Variants in CALN1 observed in about 807,000 individuals in gnomAD.
The protein encoded by CALN1 is calneuron 1, also known as calcium-binding protein 8.
A neutral mutation model predicts 30.6 loss-of-function variants in CALN1; 17 were observed. That is an observed-to-expected ratio of 0.56 (90% confidence interval 0.38 to 0.83). The LOEUF (loss-of-function observed/expected upper bound fraction) is 0.83. Ranked by LOEUF, CALN1 falls within the 40% of genes least tolerant of loss-of-function variation. The probability of loss-of-function intolerance (pLI) is 0.00; values close to 1 mark genes in which losing one functional copy is unlikely to be tolerated. For missense variants in CALN1, 291 were observed against 354.9 expected (o/e 0.82, Z 1.45); for synonymous variants, 156 against 131.4 (o/e 1.19, Z -1.28).
intron 5 of CALN1, among the ~76,000 whole-genome samples, chr7:71,850,193 G>A (rs899622776): frequency 2.6e-5 from 4 of 152,224 alleles, no homozygotes; most frequent in Admixed American, 1.3e-4. Flanking sequence ...ATCTGAGTGC[G>A]TAATATACTG....
intron 2 of CALN1, among the ~76,000 whole-genome samples, chr7:72,313,797 A>G (rs530003704): frequency 1.4e-4 from 21 of 152,362 alleles, no homozygotes; most frequent in African/African-American, 5.1e-4. Flanking sequence ...CACTGCTAAA[A>G]TAAGAACAAA....
chr7:72,044,552 G>A (rs1001515066), intron 4 of CALN1, among the ~76,000 whole-genome samples: 4 of 150,758 alleles, frequency 2.7e-5, no homozygotes, highest in Admixed American at 1.3e-4. Context: ...CTACTCCGAC[G>A]GTTGCAGGGT....
intron 2 of CALN1, among the ~76,000 whole-genome samples, chr7:72,384,018 T>C (rs1167211795): frequency 6.6e-6 from 1 of 152,220 alleles, no homozygotes; most frequent in Non-Finnish European, 1.5e-5. Context: ...ATTGCAGCAC[T>C]ATTTACAATA....
At chr7:72,329,051 G>C (rs965758668) in intron 2 of CALN1, among the ~76,000 whole-genome samples, 1 of 152,208 alleles carries the variant, frequency 6.6e-6, no homozygotes, top group African/African-American at 2.4e-5. Context: ...GTGTTCATTT[G>C]CAAAACCATA....
chr7:72,218,643 T>C (rs1562754733), intron 3 of CALN1, among the ~76,000 whole-genome samples: 1 of 152,162 alleles, frequency 6.6e-6, no homozygotes, highest in Non-Finnish European at 1.5e-5. Flanking sequence ...ATCACTTTGC[T>C]TTAGTATACA....
chr7:71,817,365 G>T (rs1398434394), intron 5 of CALN1, among the ~76,000 whole-genome samples: 1 of 152,050 alleles, frequency 6.6e-6, no homozygotes, highest in East Asian at 1.9e-4. Context: ...TCTTCTAGTT[G>T]ATTTTCGTCA....
intron 3 of CALN1, among the ~76,000 whole-genome samples, chr7:72,274,743 T>TC (rs1330709190): frequency 2.0e-5 from 3 of 152,148 alleles, no homozygotes; most frequent in Non-Finnish European, 2.9e-5. Flanking sequence ...AGAAGGCATT[T>TC]CCTCCTCCAC....
At position 72,357,514 on chromosome 7, in the gene CALN1, C is replaced by T. The variant is rs540972852; in HGVS notation, c.119+45737G>A. 2.6e-5 allele frequency among the ~76,000 whole-genome samples: 4 copies of T among 151,964 alleles called. No homozygotes were observed. The East Asian group carries it at 7.7e-4, about 29-fold the overall frequency. Reference sequence around the variant, plus strand: ...TGCTGATACCACCCCCAACCCATCCCTAATCAAATCTCAGGGCTGCCTTGA... The same window carrying T: ...TGCTGATACCACCCCCAACCCATCCTTAATCAAATCTCAGGGCTGCCTTGA... On this transcript the variant is annotated intron_variant, in intron 2 of 6. Coordinates refer to ENST00000395275, the MANE Select transcript of CALN1 (RefSeq NM_031468.4).
chr7:71,895,487 A>G (rs1793486207), intron 5 of CALN1, among the ~76,000 whole-genome samples: 1 of 152,214 alleles, frequency 6.6e-6, no homozygotes, highest in Non-Finnish European at 1.5e-5. Context: ...GACAAGAGTG[A>G]CATGACTCAT....
rs147860207 is a variant in CALN1, at chr7:72,000,682, C to G, written c.501+22975G>C. Reference sequence around the variant, plus strand: ...AAAATAAAAGAAATAGAAACACTTACTAATTCATTTTACAAGGCCTCATAA... The same window carrying G: ...AAAATAAAAGAAATAGAAACACTTAGTAATTCATTTTACAAGGCCTCATAA... On this transcript the variant is annotated intron_variant, in intron 5 of 6. Coordinates refer to ENST00000395275, the MANE Select transcript of CALN1 (RefSeq NM_031468.4). Among the ~76,000 whole-genome samples the G allele has an allele frequency of 3.1e-3, 468 of 152,244 alleles. 4 individuals carry two copies. Among genetic ancestry groups the G allele is most frequent in the African/African-American group, 0.011 (446 of 41,548 alleles).
intron 5 of CALN1, among the ~76,000 whole-genome samples, chr7:71,927,482 T>C (rs1240782575): frequency 6.6e-6 from 1 of 152,212 alleles, no homozygotes; most frequent in African/African-American, 2.4e-5. Flanking sequence ...AGTGCTGGGA[T>C]TACAAGCATG....
chr7:72,234,218 C>G (rs1794318874), intron 3 of CALN1, among the ~76,000 whole-genome samples: 3 of 152,168 alleles, frequency 2.0e-5, no homozygotes, highest in Admixed American at 2.0e-4. Context: ...CCCTACAGAG[C>G]ACAGAGAAAA....
In CALN1 at chr7:71,785,132, A is replaced by T. The variant is rs1792918828; in HGVS notation, c.*2643T>A. 1 of 363,082 alleles carries T rather than the reference A, an allele frequency of 2.8e-6. No homozygotes were observed. The highest frequency in any genetic ancestry group is 4.9e-6 in the Non-Finnish European group (1 of 204,114). The allele number at this position is 363,082 out of a possible 1,614,324, so 22.5% of individuals were successfully genotyped here. A position where few individuals can be genotyped will look rare whatever the true frequency, so the allele number is the denominator to read the frequency against. ...CATGGGGGGTTACCACAGTGGGAAG[A>T]TAACTCCTAGGCTGTCAGAAAGAAT... On this transcript the variant is annotated 3_prime_UTR_variant, in exon 7 of 7. Coordinates refer to ENST00000395275, the MANE Select transcript of CALN1 (RefSeq NM_031468.4).
chr7:72,457,190 A>AAAT, the CALN1 span, among the ~76,000 whole-genome samples: 18 of 151,844 alleles, frequency 1.2e-4, no homozygotes, highest in African/African-American at 3.9e-4. Flanking sequence ...TTGCATTTTT[A>AAAT]GTAGAGATGT....
intron 3 of CALN1, among the ~76,000 whole-genome samples, chr7:72,112,640 C>G (rs922105811): frequency 1.3e-5 from 2 of 152,180 alleles, no homozygotes; most frequent in African/African-American, 4.8e-5. Flanking sequence ...AAGGTTTTCA[C>G]CTTCTCTAAG....
chr7:71,955,011 T>C (rs913797095), intron 5 of CALN1, among the ~76,000 whole-genome samples: 1 of 152,200 alleles, frequency 6.6e-6, no homozygotes, highest in Non-Finnish European at 1.5e-5. Context: ...ATTAGTCCCT[T>C]CTCATACTGC....
chr7:71,888,401 T>G lies in CALN1; in HGVS notation c.502-77909A>C, dbSNP rs559924470. On this transcript the variant is annotated intron_variant, in intron 5 of 6. Coordinates refer to ENST00000395275, the MANE Select transcript of CALN1 (RefSeq NM_031468.4). ...GCACTAAAAGTGGGCGATTGTATGG[T>G]TTGTGGATTGTATCTCCATGAAGCC... 3.3e-5 allele frequency among the ~76,000 whole-genome samples: 5 copies of G among 149,276 alleles called. No homozygotes were observed. The East Asian group carries it at 9.9e-4, about 30-fold the overall frequency.
chr7:72,007,710 T>C (rs896064599), intron 5 of CALN1, among the ~76,000 whole-genome samples: 7 of 152,214 alleles, frequency 4.6e-5, no homozygotes, highest in African/African-American at 1.7e-4. Context: ...CTGCGCTCTA[T>C]GCAAGAGACT....
chr7:72,115,223 CTATA>C (rs1403607962), intron 3 of CALN1, among the ~76,000 whole-genome samples: 2 of 143,926 alleles, frequency 1.4e-5, no homozygotes, highest in Non-Finnish European at 3.0e-5. Flanking sequence ...ATAATATATA[CTATA>C]TATAATATAC....
Sources: gnomAD v4.1 joint callset for allele counts (sites outside exome capture counted in the v4.1 genomes callset) on GRCh38, gnomAD v4.1.1 for gene constraint, MANE v1.5 for transcripts, NCBI Gene and HGNC (gene_info 2026-07-23, HGNC 2026-07-21) for gene names.